Variants in LPIN2 observed in about 807,000 individuals in gnomAD.
LPIN2 encodes the protein phosphatidate phosphatase LPIN2.
A neutral mutation model predicts 111.4 loss-of-function variants in LPIN2; 55 were observed. The ratio of observed to expected loss-of-function variants is 0.49; its 90% confidence interval spans 0.40 to 0.62. The LOEUF is 0.62. Ranked by LOEUF, LPIN2 falls within the 20% of genes least tolerant of loss-of-function variation. The pLI is 0.00. For missense variants in LPIN2, 992 were observed against 1,112.1 expected, an observed-to-expected ratio of 0.89 and a Z score of 1.54; for synonymous variants, 425 against 414.0, an observed-to-expected ratio of 1.03 and a Z score of -0.32.
In LPIN2 at chr18:3,009,822, G is replaced by A. The variant is rs28704809; in HGVS notation, c.-10+3265C>T. 2.7e-3 allele frequency among the ~76,000 whole-genome samples: 418 copies of A among 152,310 alleles called. 1 individual carries two copies. Among genetic ancestry groups the A allele is most frequent in the African/African-American group, 9.4e-3 (390 of 41,566 alleles). ...AATACAACATTCAAAGGCTTTAGCA[G>A]AAAAAGACTGAATTGCAGTCAGTGA... On this transcript the variant is annotated intron_variant, in intron 1 of 19. Coordinates refer to ENST00000677752, the MANE Select transcript of LPIN2 (RefSeq NM_001375808.2).
At chr18:3,006,227 T>C (rs1019305203) in intron 1 of LPIN2, among the ~76,000 whole-genome samples, 5 of 152,214 alleles carry the variant, frequency 3.3e-5, no homozygotes, top group Non-Finnish European at 5.9e-5. Context: ...AAATACCTAG[T>C]GTTCCTAAGT....
At chr18:2,963,268 AG>A (rs1334688936) in intron 1 of LPIN2, among the ~76,000 whole-genome samples, 1 of 152,204 alleles carries the variant, frequency 6.6e-6, no homozygotes, top group African/African-American at 2.4e-5. Flanking sequence ...TTACGTCTGG[AG>A]GAAATGCAGT....
chr18:2,996,899 A>G (rs1007607683), intron 1 of LPIN2, among the ~76,000 whole-genome samples: 1 of 152,232 alleles, frequency 6.6e-6, no homozygotes, highest in Non-Finnish European at 1.5e-5. Flanking sequence ...CAAGTTTGCT[A>G]TATTTGCTAA....
intron 7 of LPIN2, among the ~76,000 whole-genome samples, chr18:2,935,429 C>T (rs976624274): frequency 1.3e-5 from 2 of 152,084 alleles, no homozygotes; most frequent in African/African-American, 4.8e-5. Flanking sequence ...GTGAGAGAGC[C>T]TAGAAGACAC....
rs2077450422 is a variant in LPIN2 at position 2,946,278 on chromosome 18, C to T, written c.590+4777G>A. On this transcript the variant is annotated intron_variant, in intron 4 of 19. Coordinates refer to ENST00000677752, the MANE Select transcript of LPIN2 (RefSeq NM_001375808.2). The stretch of plus-strand genomic sequence containing the variant: ...TGTTCCTGAAATTTTGGTTTTAATT[C>T]AGATAGTTCCTTCTCCTCAGTAGTC... 3 of 1,534,800 alleles carry T rather than the reference C, an allele frequency of 2.0e-6. No individual in the cohort carries two copies. The East Asian group carries it at 6.7e-5, about 35-fold the overall frequency.
chr18:2,996,804 A>T (rs548790944), intron 1 of LPIN2, among the ~76,000 whole-genome samples: 74 of 152,104 alleles, frequency 4.9e-4, no homozygotes, highest in African/African-American at 1.7e-3. Context: ...ATTGAGTATC[A>T]TATATATCCC....
At chr18:2,965,354 A>C (rs147629262) in intron 1 of LPIN2, among the ~76,000 whole-genome samples, 362 of 152,348 alleles carry the variant, frequency 2.4e-3, no homozygotes, top group African/African-American at 7.9e-3. Context: ...TTATTCACCA[A>C]AAGTTTGAAG....
chr18:2,990,419 A>T (rs1476903536), intron 1 of LPIN2, among the ~76,000 whole-genome samples: 1 of 152,264 alleles, frequency 6.6e-6, no homozygotes, highest in African/African-American at 2.4e-5. Flanking sequence ...GAATATATTT[A>T]AAAATTCCTA....
rs2076985533 is a variant in LPIN2, at chr18:2,917,386, A to G, written c.*2907T>C. 6.6e-6 allele frequency: 1 copy of G among 152,216 alleles called. No individual in the cohort carries two copies. Among genetic ancestry groups the G allele is most frequent in the Admixed American group, 6.5e-5 (1 of 15,292 alleles). 9.4% of individuals were successfully genotyped at this position (152,216 alleles called of 1,614,324 possible). A position where few individuals can be genotyped will look rare whatever the true frequency, so the allele number is the denominator to read the frequency against. ...AATTCCCCGGAAGTCTGTTTTTGCC[A>G]ACTTGTAAAAAGTGAAAGAGCTGAC... is the stretch of plus-strand genomic sequence containing the variant. On this transcript the variant is annotated 3_prime_UTR_variant, in exon 20 of 20. Coordinates refer to ENST00000677752, the MANE Select transcript of LPIN2 (RefSeq NM_001375808.2).
intron 1 of LPIN2, among the ~76,000 whole-genome samples, chr18:2,995,927 T>C (rs1050179013): frequency 5.9e-5 from 9 of 152,228 alleles, no homozygotes; most frequent in Admixed American, 3.3e-4. Flanking sequence ...TCTGGTCATA[T>C]TCCTTCACAG....
At chr18:2,991,695 GAA>G (rs1262931358) in intron 1 of LPIN2, among the ~76,000 whole-genome samples, 1 of 151,940 alleles carries the variant, frequency 6.6e-6, no homozygotes, top group African/African-American at 2.4e-5. Flanking sequence ...CTGAGCACCA[GAA>G]TGAGGGCCTG....
intron 1 of LPIN2, among the ~76,000 whole-genome samples, chr18:2,990,391 T>C (rs985844419): frequency 1.2e-4 from 18 of 152,210 alleles, no homozygotes; most frequent in Admixed American, 1.1e-3. Context: ...TATTTGCAAA[T>C]TGGGGAGTTT....
At position 2,925,176 on chromosome 18, in the gene LPIN2, A is replaced by G; in HGVS notation, c.1938+48T>C. 2 of 1,610,558 alleles carry G rather than the reference A, an allele frequency of 1.2e-6. No homozygotes were observed. The highest frequency in any genetic ancestry group is 1.7e-6 in the Non-Finnish European group (2 of 1,176,920). On this transcript the variant is annotated intron_variant, in intron 14 of 19. Transcript: ENST00000677752. This position sits in a 1 kb window ranked among gnomAD's most constrained non-coding sequence, Gnocchi z 4.1. ...AAGAGGATGTGCATCAAATTAAACC[A>G]TTACTAAAATAAGTCCTACTGGACA... is the stretch of plus-strand genomic sequence containing the variant.
intron 5 of LPIN2, among the ~76,000 whole-genome samples, chr18:2,940,254 G>C (rs2077350305): frequency 6.6e-6 from 1 of 152,196 alleles, no homozygotes; most frequent in Non-Finnish European, 1.5e-5. Flanking sequence ...TCGAGCCCAG[G>C]GGTTTAAGGC....
At chr18:2,927,578 C>A (rs1015115681) in intron 12 of LPIN2, 144 bp downstream of exon 12, 1 of 785,040 alleles carries the variant, frequency 1.3e-6, no homozygotes. Flanking sequence ...ACCTGCACGT[C>A]CTAAGTGCTC....
chr18:2,926,690 T>G (rs1257288765), intron 13 of LPIN2, 33 bp downstream of exon 13: 1 of 1,595,462 alleles, frequency 6.3e-7, no homozygotes, highest in East Asian at 2.2e-5. Flanking sequence ...AGGGCCTGAG[T>G]GCTATGAGCC....
chr18:2,949,633 CTA>C (rs2077504225), intron 4 of LPIN2, among the ~76,000 whole-genome samples: 1 of 151,862 alleles, frequency 6.6e-6, no homozygotes, highest in Non-Finnish European at 1.5e-5. Context: ...TTAAAAATGG[CTA>C]TGTTACTTAT....
intron 7 of LPIN2, among the ~76,000 whole-genome samples, chr18:2,937,360 A>G (rs1370009765): frequency 6.6e-6 from 1 of 152,076 alleles, no homozygotes; most frequent in Non-Finnish European, 1.5e-5. Context: ...CCTGGCCAAC[A>G]TGGTGAAATG....
chr18:2,920,809 T>G lies in LPIN2; in HGVS notation c.2515A>C (p.Ile839Leu), dbSNP rs1568505282. 1 of 1,614,168 alleles carries G rather than the reference T, an allele frequency of 6.2e-7. No individual in the cohort carries two copies. Among genetic ancestry groups the G allele is most frequent in the East Asian group, 2.2e-5 (1 of 44,884 alleles). The change falls in exon 19 of 20, where the codon ATA becomes CTA. Residue 839 changes from isoleucine to leucine, a missense_variant. By Grantham distance (5) the Ile-to-Leu change is conservative (BLOSUM62 2). Around this residue, in one of 4 missense-constraint regions of LPIN2, gnomAD observed 185 missense variants for 186.5 expected, o/e 0.99. Coordinates refer to ENST00000677752, the MANE Select transcript of LPIN2 (RefSeq NM_001375808.2). ...IFTVNPKGELIQERTKGNKSS... is the reference protein window; with the variant it reads ...IFTVNPKGELLQERTKGNKSS... ...TTGTTTCCTTTGGTTCTTTCTTGTA[T>G]TAATTCACCCTTGGGGTTCACGGTG...
Sources: allele counts gnomAD v4.1 joint callset (sites outside exome capture counted in the v4.1 genomes callset), GRCh38; gene constraint gnomAD v4.1.1; regional missense constraint gnomAD v4.1.1; non-coding constraint Gnocchi (gnomAD v3.1); transcripts MANE v1.5; gene names NCBI Gene and HGNC (gene_info 2026-07-23, HGNC 2026-07-21).